SPAG17: variants seen among roughly 807,000 people sequenced by gnomAD.
SPAG17 encodes the protein sperm associated antigen 17, also known as sperm-associated antigen 17.
Under a neutral mutation model 273.6 loss-of-function variants are expected in SPAG17, and 169 were observed. The observed-to-expected ratio is 0.62, with a 90% CI of 0.55 to 0.70. SPAG17 has a LOEUF of 0.70. SPAG17 is among the 30% of genes least tolerant of loss of function. SPAG17 has a pLI of 0.00. For synonymous variants in SPAG17, 825 were observed against 873.2 expected, an observed-to-expected ratio of 0.94 and a Z score of 0.97; for missense variants, 2,557 against 2,627.8, an observed-to-expected ratio of 0.97 and a Z score of 0.59.
At chr1:118,005,665 A>G (rs1440603265) in intron 31 of SPAG17, 63 bp from the exon 32 acceptor site, 1 of 1,226,814 alleles carries the variant, frequency 8.2e-7, no homozygotes, top group Admixed American at 3.3e-5. Flanking sequence ...TGGGACTTGG[A>G]AAACCATTTT....
At chr1:118,122,083 A>G (rs1281580087) in intron 3 of SPAG17, among the ~76,000 whole-genome samples, 1 of 152,044 alleles carries the variant, frequency 6.6e-6, no homozygotes, top group African/African-American at 2.4e-5. Flanking sequence ...CTTTTATCTT[A>G]CATCTTGTTA....
At chr1:118,081,062 CACA>C (rs1654517258) in intron 15 of SPAG17, 36 bp downstream of exon 15, 1 of 236,400 alleles carries the variant, frequency 4.2e-6, no homozygotes, top group African/African-American at 1.1e-4. Context: ...GTGTCTTACA[CACA>C]CACACACACA....
intron 20 of SPAG17, among the ~76,000 whole-genome samples, chr1:118,053,136 T>C (rs1167812099): frequency 6.6e-6 from 1 of 152,032 alleles, no homozygotes; most frequent in Non-Finnish European, 1.5e-5. Flanking sequence ...TAATTCAATA[T>C]ATCAACAGAA....
intron 25 of SPAG17, among the ~76,000 whole-genome samples, chr1:118,030,011 T>C (rs1027246862): frequency 1.3e-5 from 2 of 152,172 alleles, no homozygotes; most frequent in Non-Finnish European, 2.9e-5. Context: ...CACATAAAAC[T>C]AGTATCATCC....
Position 118,177,172 on chromosome 1 carries a change from G to C in SPAG17, c.87+7899C>G, listed in dbSNP as rs143882335. On this transcript the variant is annotated intron_variant, in intron 1 of 48. Coordinates refer to ENST00000336338, the MANE Select transcript of SPAG17 (RefSeq NM_206996.4). Reference sequence around the variant, plus strand: ...CACTATGAAGAAATACTCAAGACTGGGTAATTTATAAAGAAAAGAGGTTTA... The same window carrying C: ...CACTATGAAGAAATACTCAAGACTGCGTAATTTATAAAGAAAAGAGGTTTA... Among the ~76,000 whole-genome samples the C allele has an allele frequency of 4.6e-5, 7 of 152,194 alleles. No homozygotes were observed. The East Asian group carries it at 1.4e-3, about 29-fold the overall frequency.
At chr1:117,967,849 G>A (rs551542394) in intron 46 of SPAG17, among the ~76,000 whole-genome samples, 35 of 152,260 alleles carry the variant, frequency 2.3e-4, no homozygotes, top group African/African-American at 8.2e-4. Flanking sequence ...CTTGGGAACA[G>A]TTATCTAGAA....
At chr1:118,142,193 C>T (rs1658718705) in intron 3 of SPAG17, among the ~76,000 whole-genome samples, 1 of 152,142 alleles carries the variant, frequency 6.6e-6, no homozygotes, top group South Asian at 2.1e-4. Context: ...CATGAATGAA[C>T]CTTGAAGACA....
At chr1:118,184,096 T>C (rs1034831807) in intron 1 of SPAG17, among the ~76,000 whole-genome samples, 1 of 151,994 alleles carries the variant, frequency 6.6e-6, no homozygotes, top group Admixed American at 6.5e-5. Context: ...AAAACAGTTA[T>C]AGTGGAAAAT....
intron 10 of SPAG17, among the ~76,000 whole-genome samples, chr1:118,090,658 A>T (rs911409244): frequency 6.6e-6 from 1 of 152,126 alleles, no homozygotes; most frequent in African/African-American, 2.4e-5. Flanking sequence ...CTTAGGTGGG[A>T]GGTTGGCTTG....
At chr1:118,088,680 T>TA (rs201906522) in intron 10 of SPAG17, among the ~76,000 whole-genome samples, 4,990 of 150,730 alleles carry the variant, frequency 0.033, 119 homozygotes, top group Middle Eastern at 0.075. Flanking sequence ...TAGGCAATTG[T>TA]AAAAAAAAAG....
intron 32 of SPAG17, among the ~76,000 whole-genome samples, chr1:118,003,147 A>G (rs1181188303): frequency 6.6e-6 from 1 of 152,182 alleles, no homozygotes; most frequent in East Asian, 1.9e-4. Context: ...AATGTTGAAT[A>G]TTGGCCCCCA....
intron 43 of SPAG17, among the ~76,000 whole-genome samples, chr1:117,976,535 G>C (rs889175383): frequency 3.9e-5 from 6 of 152,226 alleles, no homozygotes; most frequent in African/African-American, 1.4e-4. Context: ...GCCAGGCTGA[G>C]CAGAGGCTGT....
At chr1:118,036,597 TATAG>T in intron 24 of SPAG17, 169 bp downstream of exon 24, 1 of 531,478 alleles carries the variant, frequency 1.9e-6, no homozygotes, top group Non-Finnish European at 3.4e-6. Flanking sequence ...TACACACATA[TATAG>T]ACACACACAC....
intron 3 of SPAG17, among the ~76,000 whole-genome samples, chr1:118,127,196 G>A (rs1469096089): frequency 2.6e-5 from 4 of 152,024 alleles, no homozygotes; most frequent in Non-Finnish European, 5.9e-5. Context: ...TTAATTTTAG[G>A]ATTTTTTTTT....
In SPAG17 at chr1:118,086,706, G is replaced by C; in HGVS notation, c.1576C>G (p.His526Asp). Residue 526 changes from histidine to aspartate, a missense_variant, in exon 12 of 49, where the codon CAT becomes GAT. His to Asp is a moderately conservative substitution (Grantham distance 81). Transcript: ENST00000336338. ...VPKGPLLLNYHDAHAHKKYAL... is the reference protein window; with the variant it reads ...VPKGPLLLNYDDAHAHKKYAL... ...TACTTCTTGTGGGCGTGTGCATCAT[G>C]ATAGTTCAGTAGGAGGGGGCCTTTG... 3 of 1,614,144 alleles carry C rather than the reference G, an allele frequency of 1.9e-6. No individual in the cohort carries two copies. Among genetic ancestry groups the C allele is most frequent in the Non-Finnish European group, 2.5e-6 (3 of 1,180,012 alleles).
intron 21 of SPAG17, among the ~76,000 whole-genome samples, chr1:118,041,299 AG>A (rs754322043): frequency 6.6e-6 from 1 of 152,108 alleles, no homozygotes; most frequent in Non-Finnish European, 1.5e-5. Flanking sequence ...GTTTTAGAGG[AG>A]TAGCTACAAA....
intron 29 of SPAG17, among the ~76,000 whole-genome samples, chr1:118,015,128 T>C (rs1159654424): frequency 6.6e-6 from 1 of 151,348 alleles, no homozygotes; most frequent in African/African-American, 2.4e-5. Context: ...CTACTAAAAA[T>C]ACAAAAATTA....
At chr1:118,184,544 T>A (rs1462684613) in intron 1 of SPAG17, among the ~76,000 whole-genome samples, 6 of 152,168 alleles carry the variant, frequency 3.9e-5, no homozygotes, top group Non-Finnish European at 8.8e-5. Context: ...AAAACTTTAA[T>A]ATAGTGGGAT....
intron 7 of SPAG17, among the ~76,000 whole-genome samples, chr1:118,095,538 G>A (rs1350119260): frequency 6.6e-6 from 1 of 152,174 alleles, no homozygotes; most frequent in Non-Finnish European, 1.5e-5. Flanking sequence ...GCCAGGCCTT[G>A]GCCCAAATGA....
Sources: gnomAD v4.1 joint callset for allele counts (sites outside exome capture counted in the v4.1 genomes callset) on GRCh38, gnomAD v4.1.1 for gene constraint, MANE v1.5 for transcripts, NCBI Gene and HGNC (gene_info 2026-07-23, HGNC 2026-07-21) for gene names.